Variants in PTPRQ observed in about 807,000 individuals in gnomAD.
PTPRQ encodes the protein protein tyrosine phosphatase receptor type Q, also known as phosphatidylinositol phosphatase PTPRQ.
PTPRQ carries 199 observed loss-of-function variants against 246.0 expected under a neutral mutation model. That is an observed-to-expected ratio of 0.81 (90% CI 0.72 to 0.91). The LOEUF is 0.91. Ranked by LOEUF, PTPRQ falls within the 40% of genes least tolerant of loss-of-function variation. PTPRQ has a pLI of 0.00. For missense variants in PTPRQ, 2,624 were observed against 2,528.4 expected (o/e 1.04, Z -0.81); for synonymous variants, 869 against 853.2 (o/e 1.02, Z -0.32).
chr12:80,672,164 T>G (rs778758611), intron 42 of PTPRQ, among the ~76,000 whole-genome samples: 143 of 152,068 alleles, frequency 9.4e-4, no homozygotes, highest in Admixed American at 4.1e-3. Context: ...AGGCACATTC[T>G]TGGTCTGTTT....
intron 25 of PTPRQ, among the ~76,000 whole-genome samples, chr12:80,551,491 CACTT>C (rs1231147311): frequency 3.3e-5 from 5 of 152,140 alleles, no homozygotes; most frequent in South Asian, 2.1e-4. Flanking sequence ...TCCTCCTACT[CACTT>C]AATTGAATTG....
intron 6 of PTPRQ, 47 bp from the exon 7 acceptor site, chr12:80,468,663 T>A (rs1893523090): frequency 6.8e-7 from 1 of 1,461,778 alleles, no homozygotes; most frequent in African/African-American, 1.4e-5. Context: ...AGGGTGCGCT[T>A]TCATTTTAAA....
chr12:80,473,037 TCACA>T (rs1491427054), intron 8 of PTPRQ, among the ~76,000 whole-genome samples: 1 of 120,236 alleles, frequency 8.3e-6, no homozygotes, highest in African/African-American at 2.7e-5. Flanking sequence ...ACACACACAC[TCACA>T]CACACGCACA....
At chr12:80,609,776 C>T (rs1472603472) in intron 27 of PTPRQ, among the ~76,000 whole-genome samples, 2 of 150,458 alleles carry the variant, frequency 1.3e-5, no homozygotes, top group African/African-American at 4.8e-5. Flanking sequence ...TTAAAAAGAG[C>T]AGAAAATATC....
intron 16 of PTPRQ, 86 bp downstream of exon 16, chr12:80,506,756 C>A: frequency 8.2e-7 from 1 of 1,220,978 alleles, no homozygotes. Context: ...GTAAAAACTC[C>A]TCTAGTCATG....
intron 17 of PTPRQ, chr12:80,525,959 C>A (rs1197975759): frequency 6.6e-6 from 1 of 152,080 alleles, no homozygotes. Flanking sequence ...TGTACTTTAT[C>A]ACAAGTCACT....
chr12:80,485,930 G>A (rs1894260756), intron 9 of PTPRQ, among the ~76,000 whole-genome samples: 1 of 152,002 alleles, frequency 6.6e-6, no homozygotes, highest in African/African-American at 2.4e-5. Context: ...TCGTCTCATA[G>A]TAGAGAGCTC....
chr12:80,615,171 C>T (rs373330645), intron 29 of PTPRQ, among the ~76,000 whole-genome samples: 53 of 150,950 alleles, frequency 3.5e-4, no homozygotes, highest in African/African-American at 1.2e-3. Context: ...ATGGACCATA[C>T]TATAACATAC....
In PTPRQ at chr12:80,542,085, A is replaced by C; in HGVS notation, c.3446-4A>C. 1 of 1,535,248 alleles carries C rather than the reference A, an allele frequency of 6.5e-7. No individual in the cohort carries two copies. Among genetic ancestry groups the C allele is most frequent in the Non-Finnish European group, 8.7e-7 (1 of 1,143,154 alleles). On this transcript the variant is annotated splice_polypyrimidine_tract_variant and splice_region_variant and intron_variant, in intron 21 of 44. Transcript: ENST00000644991. ...TCATTTAATATTCTCTTTTTCTTTTATAGTCCCAGAAACTTCACCAATAAT... is the reference window on the plus strand; with the variant it reads ...TCATTTAATATTCTCTTTTTCTTTTCTAGTCCCAGAAACTTCACCAATAAT...
At chr12:80,525,810 G>C (rs374809475) in intron 17 of PTPRQ, 1 of 151,918 alleles carries the variant, frequency 6.6e-6, no homozygotes. Flanking sequence ...AAAACAATGG[G>C]AGTATACTAC....
intron 8 of PTPRQ, among the ~76,000 whole-genome samples, chr12:80,483,755 C>A (rs1008903282): frequency 1.3e-5 from 2 of 151,616 alleles, no homozygotes; most frequent in African/African-American, 4.8e-5. Flanking sequence ...CACCGACAGG[C>A]CCCGGTGTAT....
intron 14 of PTPRQ, among the ~76,000 whole-genome samples, chr12:80,497,900 T>C (rs1894678130): frequency 6.6e-6 from 1 of 152,124 alleles, no homozygotes; most frequent in African/African-American, 2.4e-5. Context: ...AGATACTATA[T>C]ACGAATTTCT....
chr12:80,497,879 A>G (rs770043749), intron 14 of PTPRQ, among the ~76,000 whole-genome samples: 2 of 152,108 alleles, frequency 1.3e-5, no homozygotes, highest in African/African-American at 2.4e-5. Flanking sequence ...GCAATTTCAT[A>G]TAGTTCAGCC....
At chr12:80,453,012 G>C (rs540025912) in intron 3 of PTPRQ, among the ~76,000 whole-genome samples, 1 of 152,150 alleles carries the variant, frequency 6.6e-6, no homozygotes, top group African/African-American at 2.4e-5. Flanking sequence ...CCAATCATAC[G>C]TAGATTTGGT....
At chr12:80,481,620 A>G (rs1050981883) in intron 8 of PTPRQ, among the ~76,000 whole-genome samples, 45 of 152,238 alleles carry the variant, frequency 3.0e-4, no homozygotes, top group Non-Finnish European at 5.7e-4. Flanking sequence ...GTATATCTAG[A>G]AAACCCCATT....
At position 80,670,489 on chromosome 12, in the gene PTPRQ, G is replaced by A. The variant is rs1476192764; in HGVS notation, c.6599G>A (p.Cys2200Tyr). The A allele has an allele frequency of 1.3e-6, 2 of 1,543,914 alleles. No homozygotes were observed. The highest frequency in any genetic ancestry group is 8.7e-7 in the Non-Finnish European group (1 of 1,143,326). Reference protein sequence around the residue: ...AHDTTPMIVHCSAGVGRTGVF... With the variant: ...AHDTTPMIVHYSAGVGRTGVF... ...GACACCACACCTATGATTGTTCACT[G>A]CAGGTGAGAAAGTGATCAGAAATGG... Residue 2200 changes from cysteine (C) to tyrosine (Y), a missense_variant, in exon 42 of 45, where the codon TGC becomes TAC. Transcript: ENST00000644991.
At chr12:80,555,678 A>C (rs989770923) in intron 25 of PTPRQ, among the ~76,000 whole-genome samples, 2 of 152,224 alleles carry the variant, frequency 1.3e-5, no homozygotes, top group African/African-American at 4.8e-5. Context: ...CCTATCATAA[A>C]TCAGAGGGAA....
At chr12:80,555,292 C>G (rs1004302552) in intron 25 of PTPRQ, among the ~76,000 whole-genome samples, 2 of 152,212 alleles carry the variant, frequency 1.3e-5, no homozygotes, top group African/African-American at 4.8e-5. Context: ...ACTCCTGGTT[C>G]AAGCAATCCT....
At chr12:80,471,457 T>C (rs1000237734) in intron 7 of PTPRQ, among the ~76,000 whole-genome samples, 3 of 147,300 alleles carry the variant, frequency 2.0e-5, no homozygotes, top group Non-Finnish European at 4.5e-5. Context: ...TTATAGAAGA[T>C]AATGAAATTA....
Sources: allele counts gnomAD v4.1 joint callset (sites outside exome capture counted in the v4.1 genomes callset), GRCh38; gene constraint gnomAD v4.1.1; transcripts MANE v1.5; gene names NCBI Gene and HGNC (gene_info 2026-07-23, HGNC 2026-07-21).